SEPTIN9: variants seen among roughly 807,000 people sequenced by gnomAD.
SEPTIN9 encodes the protein septin-9.
Under a neutral mutation model 56.6 loss-of-function variants are expected in SEPTIN9, and 13 were observed. That is an observed-to-expected ratio of 0.23 (90% confidence interval 0.15 to 0.37). The LOEUF is 0.37. Ranked by LOEUF, SEPTIN9 falls within the 10% of genes least tolerant of loss-of-function variation. The pLI is 1.00. For synonymous variants in SEPTIN9, 332 were observed against 334.1 expected (o/e 0.99, Z 0.07); for missense variants, 650 against 823.1 (o/e 0.79, Z 2.57).
rs573278990 is a variant in SEPTIN9, at chr17:77,369,348, C to T, written c.77-32711C>T. ...GTTGCTTTTGCTGGCCCCAGGTGGC[C>T]GGTTGTTGACCGTTAACTGGCACAC... On this transcript the variant is annotated intron_variant, in intron 2 of 11. Coordinates refer to ENST00000427177, the MANE Select transcript of SEPTIN9 (RefSeq NM_001113491.2). This position sits in a 1 kb window ranked among gnomAD's most constrained non-coding sequence, Gnocchi z 4.9. 2.5e-3 allele frequency among the ~76,000 whole-genome samples: 379 copies of T among 152,272 alleles called. 1 individual carries two copies. The highest frequency in any genetic ancestry group is 2.7e-3 in the Non-Finnish European group (182 of 68,028).
In SEPTIN9 at chr17:77,281,529, A is replaced by G; in HGVS notation, c.-7A>G. ...ACTTTCCTGGGAGCGGCGGCCACGG[A>G]GGCACCATGAAGAAGTCTTACTCAG... On this transcript the variant is annotated 5_prime_UTR_variant, in exon 1 of 12. Transcript: ENST00000427177. 1 of 1,548,438 alleles carries G rather than the reference A, an allele frequency of 6.5e-7. No individual in the cohort carries two copies. The highest frequency in any genetic ancestry group is 1.7e-4 in the Middle Eastern group (1 of 5,980).
intron 2 of SEPTIN9, among the ~76,000 whole-genome samples, chr17:77,320,744 T>G (rs1481067354): frequency 6.6e-6 from 1 of 152,232 alleles, no homozygotes; most frequent in African/African-American, 2.4e-5. Context: ...CTGTGTGGTT[T>G]GTTTTTTGCT....
At chr17:77,470,141 A>G (rs1454201954) in intron 3 of SEPTIN9, among the ~76,000 whole-genome samples, 2 of 150,066 alleles carry the variant, frequency 1.3e-5, no homozygotes, top group Non-Finnish European at 3.0e-5. Flanking sequence ...TCATCTACCC[A>G]TCCACTCATT....
In SEPTIN9 at chr17:77,402,647, G is replaced by C; in HGVS notation, c.665G>C (p.Arg222Thr). The change falls in exon 3 of 12, where the codon AGG (arginine) becomes ACG (threonine). Residue 222 changes from arginine (R) to threonine (T), a missense_variant. Transcript: ENST00000427177. The surrounding 1 kb of genome is among the most constrained non-coding windows in gnomAD (Gnocchi z 6.6). ...EPAPVSQLQSRLEPKPQPPVA... is the reference protein window; with the variant it reads ...EPAPVSQLQSTLEPKPQPPVA... ...GCCCCTGTGTCTCAGCTGCAGAGCA[G>C]GCTGGAGCCCAAGCCCCAGCCCCCT... is the stretch of plus-strand genomic sequence containing the variant. 1 of 1,612,476 alleles carries C rather than the reference G, an allele frequency of 6.2e-7. No individual in the cohort carries two copies. Among genetic ancestry groups the C allele is most frequent in the Non-Finnish European group, 8.5e-7 (1 of 1,179,364 alleles).
Position 77,369,952 on chromosome 17 carries a change from A to C in SEPTIN9, c.77-32107A>C, listed in dbSNP as rs1294461725. ...TTTCTCTCCAGACCTGCTCCTTCCCATTTCCAGAAAGGCGTGCAGGGGTTT... is the reference window on the plus strand; with the variant it reads ...TTTCTCTCCAGACCTGCTCCTTCCCCTTTCCAGAAAGGCGTGCAGGGGTTT... On this transcript the variant is annotated intron_variant, in intron 2 of 11. Coordinates refer to ENST00000427177, the MANE Select transcript of SEPTIN9 (RefSeq NM_001113491.2). The surrounding 1 kb of genome is among the most constrained non-coding windows in gnomAD (Gnocchi z 4.9). 6.6e-6 allele frequency among the ~76,000 whole-genome samples: 1 copy of C among 151,860 alleles called. No homozygotes were observed. The highest frequency in any genetic ancestry group is 2.4e-5 in the African/African-American group (1 of 41,330).
chr17:77,472,976 T>A (rs1054839137), intron 3 of SEPTIN9, among the ~76,000 whole-genome samples: 1 of 152,226 alleles, frequency 6.6e-6, no homozygotes, highest in Non-Finnish European at 1.5e-5. Context: ...TATGGAGTGT[T>A]TGTAGTAGCT....
chr17:77,307,234 A>G, intron 2 of SEPTIN9, 37 bp downstream of exon 2: 3 of 1,580,072 alleles, frequency 1.9e-6, no homozygotes, highest in Non-Finnish European at 2.6e-6. Flanking sequence ...CACCCAGCTC[A>G]TGGGTGTGTT....
At position 77,318,503 on chromosome 17, in the gene SEPTIN9, A is replaced by C. The variant is rs1292411966; in HGVS notation, c.76+11306A>C. ...ATTAGGACATGCTATCCCTGGGGCC[A>C]TTATTCAGCCTTCTCTCGTGACTAT... On this transcript the variant is annotated intron_variant, in intron 2 of 11. Coordinates refer to ENST00000427177, the MANE Select transcript of SEPTIN9 (RefSeq NM_001113491.2). This position sits in a 1 kb window ranked among gnomAD's most constrained non-coding sequence, Gnocchi z 4.9. 6.6e-6 allele frequency among the ~76,000 whole-genome samples: 1 copy of C among 152,110 alleles called. No homozygotes were observed. The highest frequency in any genetic ancestry group is 1.5e-5 in the Non-Finnish European group (1 of 68,004).
chr17:77,345,376 G>A (rs1343224096), intron 2 of SEPTIN9, among the ~76,000 whole-genome samples: 1 of 152,246 alleles, frequency 6.6e-6, no homozygotes, highest in East Asian at 1.9e-4. Flanking sequence ...CACTGGGGTT[G>A]ATGGAAAAGA....
chr17:77,299,800 G>A (rs36014232), intron 1 of SEPTIN9, among the ~76,000 whole-genome samples: 19,733 of 152,200 alleles, frequency 0.13, 1,392 homozygotes, highest in Non-Finnish European at 0.15. Flanking sequence ...GGGCAGGTAT[G>A]AGCTGATCTC....
Position 77,327,821 on chromosome 17 carries a change from G to A in SEPTIN9, c.76+20624G>A, listed in dbSNP as rs115801900. Among the ~76,000 whole-genome samples the A allele has an allele frequency of 1.7e-3, 264 of 152,332 alleles. No homozygotes were observed. Among genetic ancestry groups the A allele is most frequent in the African/African-American group, 6.3e-3 (262 of 41,582 alleles). On this transcript the variant is annotated intron_variant, in intron 2 of 11. Coordinates refer to ENST00000427177, the MANE Select transcript of SEPTIN9 (RefSeq NM_001113491.2). This position sits in a 1 kb window ranked among gnomAD's most constrained non-coding sequence, Gnocchi z 5.0. ...AAATCAGCGAAGAGGCACTGGCTCT[G>A]AAACTTTGCCATGAAAGCTTGAAAA...
intron 4 of SEPTIN9, among the ~76,000 whole-genome samples, chr17:77,485,435 G>C (rs1455088880): frequency 6.6e-6 from 1 of 151,724 alleles, no homozygotes; most frequent in East Asian, 1.9e-4. Flanking sequence ...TGGTGATGAG[G>C]GTGACGGAAG....
At chr17:77,322,728 G>A (rs1306205249) in intron 2 of SEPTIN9, 1 of 152,312 alleles carries the variant, frequency 6.6e-6, no homozygotes. Context: ...GCGGGTTTCT[G>A]CGCGTGTCCT....
At chr17:77,480,283 C>T (rs1194032056) in intron 3 of SEPTIN9, among the ~76,000 whole-genome samples, 1 of 152,216 alleles carries the variant, frequency 6.6e-6, no homozygotes, top group East Asian at 1.9e-4. Flanking sequence ...GATAAACCAG[C>T]CCCCAGTTTC....
rs1159678859 is a variant in SEPTIN9, at chr17:77,421,039, CG to C, written c.721+18340del. Among the ~76,000 whole-genome samples the C allele has an allele frequency of 1.3e-5, 2 of 152,272 alleles. No individual in the cohort carries two copies. The highest frequency in any genetic ancestry group is 2.4e-5 in the African/African-American group (1 of 41,554). On this transcript the variant is annotated intron_variant, in intron 3 of 11. Transcript: ENST00000427177. This position sits in a 1 kb window ranked among gnomAD's most constrained non-coding sequence, Gnocchi z 4.6. ...CCTGGCTGCTGAGCTGTCCTGGAGACGGGGTACTGTGCAGTGGTCGGGGTAG... is the reference window on the plus strand; with the variant it reads ...CCTGGCTGCTGAGCTGTCCTGGAGACGGGTACTGTGCAGTGGTCGGGGTAG...
At chr17:77,491,805 CAAAAAAAA>C (rs35233871) in intron 8 of SEPTIN9, among the ~76,000 whole-genome samples, 343 of 59,602 alleles carry the variant, frequency 5.8e-3, no homozygotes, top group African/African-American at 0.021. Flanking sequence ...GACTCCATCT[CAAAAAAAA>C]AAAAAAAAAA....
chr17:77,467,786 G>A (rs371943959), intron 3 of SEPTIN9, among the ~76,000 whole-genome samples: 9 of 152,364 alleles, frequency 5.9e-5, no homozygotes, highest in East Asian at 1.9e-4. Flanking sequence ...GACGGGAACC[G>A]TGGCTGCCCC....
chr17:77,427,659 C>T (rs2036963601), intron 3 of SEPTIN9, among the ~76,000 whole-genome samples: 1 of 152,190 alleles, frequency 6.6e-6, no homozygotes. Context: ...GGAAGGACGG[C>T]AGGGGGCCTG....
At chr17:77,378,543 T>C (rs1296796302) in intron 2 of SEPTIN9, among the ~76,000 whole-genome samples, 2 of 151,950 alleles carry the variant, frequency 1.3e-5, no homozygotes, top group East Asian at 3.9e-4. Flanking sequence ...GACAGGTAGG[T>C]TTGGATGCTT....
Sources: gnomAD v4.1 joint callset for allele counts (sites outside exome capture counted in the v4.1 genomes callset) on GRCh38, gnomAD v4.1.1 for gene constraint, Gnocchi (gnomAD v3.1) non-coding constraint, MANE v1.5 for transcripts, NCBI Gene and HGNC (gene_info 2026-07-23, HGNC 2026-07-21) for gene names.